The following CFAP299 variants were observed in gnomAD, a reference collection of about 807,000 sequenced individuals.
The protein encoded by CFAP299 is cilia and flagella associated protein 299.
CFAP299 carries 21 observed loss-of-function variants against 27.0 expected under a neutral mutation model. The ratio of observed to expected loss-of-function variants is 0.78; its 90% CI spans 0.55 to 1.12. The LOEUF is 1.12. Among genes scored for constraint, CFAP299 ranks in the 50% most tolerant of loss-of-function variants. The probability of loss-of-function intolerance (pLI) is 0.00; values close to 1 mark genes in which losing one functional copy is unlikely to be tolerated. For missense variants in CFAP299, 310 were observed against 276.6 expected, an observed-to-expected ratio of 1.12 and a Z score of -0.86; for synonymous variants, 104 against 98.1, an observed-to-expected ratio of 1.06 and a Z score of -0.36.
chr4:80,571,474 G>C (rs1321517659), intron 2 of CFAP299, among the ~76,000 whole-genome samples: 1 of 152,058 alleles, frequency 6.6e-6, no homozygotes, highest in African/African-American at 2.4e-5. Flanking sequence ...ACTTGAAGTA[G>C]TTTCAAGTTG....
At chr4:80,738,835 C>T (rs991445521) in intron 3 of CFAP299, among the ~76,000 whole-genome samples, 3 of 151,558 alleles carry the variant, frequency 2.0e-5, no homozygotes, top group Non-Finnish European at 4.4e-5. Context: ...TCCTGGTATT[C>T]CTTTTAGTGA....
chr4:80,499,232 A>G (rs753002768), intron 2 of CFAP299, among the ~76,000 whole-genome samples: 11 of 152,162 alleles, frequency 7.2e-5, no homozygotes, highest in Non-Finnish European at 1.5e-4. Flanking sequence ...TTTCCCTCTG[A>G]ATCCAAAATC....
intron 4 of CFAP299, among the ~76,000 whole-genome samples, chr4:80,932,920 C>A: frequency 6.6e-6 from 1 of 151,190 alleles, no homozygotes. Context: ...GCTGGCTACA[C>A]AAAGATTTAA....
In CFAP299 at chr4:80,420,805, C is replaced by T. The variant is rs928791006; in HGVS notation, c.242+57921C>T. Among the ~76,000 whole-genome samples the T allele has an allele frequency of 3.3e-5, 5 of 152,098 alleles. No individual in the cohort carries two copies. In the South Asian group the frequency reaches 6.2e-4, roughly 19 times the overall value. On this transcript the variant is annotated intron_variant, in intron 2 of 5. Transcript: ENST00000358105. ...TCTCAGTAAAACAGAGCTCTGGTTT[C>T]GCTACTCTCTAGCTCCAACCCCTTT...
intron 2 of CFAP299, among the ~76,000 whole-genome samples, chr4:80,539,918 G>A (rs1006962358): frequency 2.6e-5 from 4 of 152,310 alleles, no homozygotes; most frequent in African/African-American, 7.2e-5. Flanking sequence ...GAAGCAAGCC[G>A]ACTGAGAATG....
rs70956062 is a variant in CFAP299, at chr4:80,725,111, ATTTTT to A, written c.333+141949_333+141953del. Among the ~76,000 whole-genome samples, 721 of 88,522 alleles carry A rather than the reference ATTTTT, an allele frequency of 8.1e-3. 7 individuals carry two copies. Among genetic ancestry groups the A allele is most frequent in the African/African-American group, 0.034 (659 of 19,624 alleles). 58.1% of individuals were successfully genotyped at this position (88,522 alleles called of 152,430 possible). A position where few individuals can be genotyped will look rare whatever the true frequency, so the allele number is the denominator to read the frequency against. ...AGGCATGCACCACCATGCCTGGCCA[ATTTTT>A]TTTTTTTTTTTTTTTTTTTTGTAGA... On this transcript the variant is annotated intron_variant, in intron 3 of 5. Coordinates refer to ENST00000358105, the MANE Select transcript of CFAP299 (RefSeq NM_152770.3).
chr4:80,889,973 C>T (rs544557846), intron 4 of CFAP299, among the ~76,000 whole-genome samples: 9 of 152,116 alleles, frequency 5.9e-5, no homozygotes, highest in African/African-American at 2.2e-4. Context: ...ATGAACATAC[C>T]TCAATGTAAT....
intron 2 of CFAP299, among the ~76,000 whole-genome samples, chr4:80,466,178 C>A (rs1288362758): frequency 1.3e-5 from 2 of 152,122 alleles, no homozygotes; most frequent in African/African-American, 4.8e-5. Context: ...GACAAAATAG[C>A]TTTGATGTAA....
intron 3 of CFAP299, among the ~76,000 whole-genome samples, chr4:80,843,008 G>A (rs1009919970): frequency 4.6e-5 from 7 of 151,488 alleles, no homozygotes; most frequent in African/African-American, 1.7e-4. Flanking sequence ...GAAGGGTTGG[G>A]GCAACATCTT....
intron 2 of CFAP299, among the ~76,000 whole-genome samples, chr4:80,573,707 T>C (rs186360864): frequency 1.5e-3 from 231 of 152,268 alleles, no homozygotes; most frequent in African/African-American, 5.2e-3. Flanking sequence ...TGGCACCATT[T>C]ATTGAAAACT....
intron 3 of CFAP299, among the ~76,000 whole-genome samples, chr4:80,786,305 A>G (rs573488636): frequency 3.3e-5 from 5 of 152,200 alleles, no homozygotes; most frequent in African/African-American, 1.2e-4. Context: ...ATTAAAACCA[A>G]TGAAAACACA....
chr4:80,826,334 A>T (rs1444088366), intron 3 of CFAP299, among the ~76,000 whole-genome samples: 3 of 151,792 alleles, frequency 2.0e-5, no homozygotes, highest in Non-Finnish European at 4.4e-5. Context: ...GCTTATAGAC[A>T]ACAATTATCA....
At chr4:80,500,405 T>A (rs1457463703) in intron 2 of CFAP299, among the ~76,000 whole-genome samples, 1 of 152,212 alleles carries the variant, frequency 6.6e-6, no homozygotes, top group East Asian at 1.9e-4. Flanking sequence ...TGTTTCCCAA[T>A]TTTTCACATA....
chr4:80,571,118 G>A (rs1378728999), intron 2 of CFAP299, among the ~76,000 whole-genome samples: 1 of 152,038 alleles, frequency 6.6e-6, no homozygotes, highest in African/African-American at 2.4e-5. Flanking sequence ...TATCATAAAA[G>A]TGAGAAGGTA....
chr4:80,593,370 T>C (rs1207743779), intron 3 of CFAP299, among the ~76,000 whole-genome samples: 1 of 152,204 alleles, frequency 6.6e-6, no homozygotes, highest in Non-Finnish European at 1.5e-5. Flanking sequence ...GACATTCTTT[T>C]TCTAGGGATT....
At chr4:80,949,050 T>C (rs545589394) in intron 5 of CFAP299, among the ~76,000 whole-genome samples, 2 of 152,174 alleles carry the variant, frequency 1.3e-5, no homozygotes, top group Non-Finnish European at 2.9e-5. Flanking sequence ...TACCTTCTTG[T>C]GCAGTCCCAG....
intron 3 of CFAP299, among the ~76,000 whole-genome samples, chr4:80,587,853 A>G (rs1736527653): frequency 6.6e-6 from 1 of 151,560 alleles, no homozygotes; most frequent in South Asian, 2.1e-4. Flanking sequence ...GGGCCTCCCA[A>G]AGTGCAGGCT....
intron 2 of CFAP299, among the ~76,000 whole-genome samples, chr4:80,391,039 A>G (rs1466005870): frequency 6.8e-6 from 1 of 147,436 alleles, no homozygotes; most frequent in Non-Finnish European, 1.5e-5. Flanking sequence ...ATGTATACAC[A>G]CACACATATA....
chr4:80,789,133 T>C (rs192363494), intron 3 of CFAP299, among the ~76,000 whole-genome samples: 54 of 148,528 alleles, frequency 3.6e-4, no homozygotes, highest in African/African-American at 1.4e-3. Flanking sequence ...TTATGAAAAG[T>C]CTTCAATTCT....
Sources: allele counts gnomAD v4.1 joint callset (sites outside exome capture counted in the v4.1 genomes callset), GRCh38; gene constraint gnomAD v4.1.1; transcripts MANE v1.5; gene names NCBI Gene and HGNC (gene_info 2026-07-23, HGNC 2026-07-21).